AP4S1: variants seen among roughly 807,000 people sequenced by gnomAD.
The protein encoded by AP4S1 is AP-4 complex subunit sigma-1.
AP4S1 carries 23 observed loss-of-function variants against 19.8 expected under a neutral mutation model. The observed-to-expected ratio is 1.16, with a 90% confidence interval of 0.84 to 1.65. The LOEUF is 1.65. Among genes scored for constraint, AP4S1 ranks in the 40% most tolerant of loss-of-function variants. The pLI, the probability that AP4S1 is intolerant of heterozygous loss-of-function variation, is 0.00. For synonymous variants in AP4S1, 46 were observed against 54.1 expected, an observed-to-expected ratio of 0.85 and a Z score of 0.66; for missense variants, 166 against 172.8, an observed-to-expected ratio of 0.96 and a Z score of 0.22.
intron 1 of AP4S1, among the ~76,000 whole-genome samples, chr14:31,030,827 C>T (rs756721289): frequency 6.6e-5 from 10 of 152,096 alleles, no homozygotes; most frequent in South Asian, 4.1e-4. Flanking sequence ...TGTCCTGATC[C>T]GTCTTGAAAC....
rs116374588 is a variant in AP4S1, at chr14:31,087,717, A to G, written c.307-5190A>G. 9.7e-3 allele frequency among the ~76,000 whole-genome samples: 1,484 copies of G among 152,290 alleles called. 25 individuals carry two copies. Among genetic ancestry groups the G allele is most frequent in the African/African-American group, 0.034 (1,399 of 41,552 alleles). On this transcript the variant is annotated intron_variant, in intron 5 of 5. Transcript: ENST00000542754. Reference sequence around the variant, plus strand: ...GTAGACTGTGGCAATTTAGTCTCTAATAAAACATGCCTGTCACCATGGTGC... The same window carrying G: ...GTAGACTGTGGCAATTTAGTCTCTAGTAAAACATGCCTGTCACCATGGTGC...
At chr14:31,054,713 A>G (rs1020442221) in intron 1 of AP4S1, among the ~76,000 whole-genome samples, 1 of 151,258 alleles carries the variant, frequency 6.6e-6, no homozygotes, top group African/African-American at 2.4e-5. Flanking sequence ...ATTAAATAAA[A>G]TAAAATTAGC....
chr14:31,071,150 A>G (rs988814300), intron 3 of AP4S1, among the ~76,000 whole-genome samples: 1 of 152,176 alleles, frequency 6.6e-6, no homozygotes, highest in African/African-American at 2.4e-5. Flanking sequence ...ACCCCTTCAC[A>G]AATGCCACTC....
chr14:31,092,776 T>C (rs894240403), intron 5 of AP4S1, 131 bp from the exon 6 acceptor site: 4 of 646,316 alleles, frequency 6.2e-6, no homozygotes, highest in Non-Finnish European at 7.4e-6. Context: ...TAAATTTAAT[T>C]TCAGAAATTT....
rs554208344 is a variant in AP4S1 at position 31,084,566 on chromosome 14, G to T, written c.306+3982G>T. 3.0e-4 allele frequency among the ~76,000 whole-genome samples: 46 copies of T among 152,296 alleles called. 2 individuals are homozygous for T. In the South Asian group the frequency reaches 8.7e-3, roughly 29 times the overall value. ...GTCAGGTGGGGCGGGCTGCCCCCTT[G>T]GGACCAAGCACGTCAGTGACCTAAA... is the stretch of plus-strand genomic sequence containing the variant. On this transcript the variant is annotated intron_variant, in intron 5 of 5. Coordinates refer to ENST00000542754, the MANE Select transcript of AP4S1 (RefSeq NM_001128126.3).
chr14:31,063,867 T>G (rs1886573293), intron 1 of AP4S1, among the ~76,000 whole-genome samples: 1 of 152,218 alleles, frequency 6.6e-6, no homozygotes, highest in African/African-American at 2.4e-5. Flanking sequence ...GCAACTTTAC[T>G]ATAAATCTAA....
chr14:31,075,438 G>C (rs181564583), intron 4 of AP4S1, among the ~76,000 whole-genome samples: 6 of 152,234 alleles, frequency 3.9e-5, no homozygotes, highest in Admixed American at 3.3e-4. Flanking sequence ...ATTGGTGGGT[G>C]CTTTGGTTGA....
At chr14:31,026,130 C>T (rs1566503641) in intron 1 of AP4S1, 2 of 1,497,438 alleles carry the variant, frequency 1.3e-6, no homozygotes, top group Non-Finnish European at 1.8e-6. Context: ...CTGCTGCTGC[C>T]GGGGAGGGGC....
At chr14:31,042,481 T>C (rs1247679570) in intron 1 of AP4S1, among the ~76,000 whole-genome samples, 3 of 152,162 alleles carry the variant, frequency 2.0e-5, no homozygotes, top group Non-Finnish European at 4.4e-5. Flanking sequence ...TCAGTTTCTC[T>C]CTGGCAAATG....
At chr14:31,059,932 T>A (rs57308177) in intron 1 of AP4S1, among the ~76,000 whole-genome samples, 17,895 of 146,920 alleles carry the variant, frequency 0.12, 1,256 homozygotes, top group Non-Finnish European at 0.16. Context: ...GACAAAAAAA[T>A]ATATATATAT....
intron 1 of AP4S1, among the ~76,000 whole-genome samples, chr14:31,062,101 A>C (rs1018853546): frequency 1.3e-5 from 2 of 151,748 alleles, no homozygotes; most frequent in African/African-American, 4.8e-5. Context: ...AGGTTTATTT[A>C]TTTATTTATT....
At chr14:31,088,969 C>G (rs1166789646) in intron 5 of AP4S1, among the ~76,000 whole-genome samples, 2 of 151,888 alleles carry the variant, frequency 1.3e-5, no homozygotes, top group African/African-American at 2.4e-5. Flanking sequence ...CAAGACCAGT[C>G]TGGGCAAGAT....
intron 1 of AP4S1, among the ~76,000 whole-genome samples, chr14:31,035,950 T>C (rs1425269615): frequency 6.6e-6 from 1 of 152,092 alleles, no homozygotes; most frequent in African/African-American, 2.4e-5. Context: ...CAGGATGGTC[T>C]CGATATCCTG....
At chr14:31,050,844 T>C (rs1055961614) in intron 1 of AP4S1, among the ~76,000 whole-genome samples, 5 of 152,210 alleles carry the variant, frequency 3.3e-5, no homozygotes, top group South Asian at 2.1e-4. Context: ...AGTCATCTTA[T>C]TTCCTTAATC....
intron 4 of AP4S1, among the ~76,000 whole-genome samples, chr14:31,073,499 A>G (rs1208568733): frequency 1.3e-5 from 2 of 151,306 alleles, no homozygotes; most frequent in Non-Finnish European, 2.9e-5. Context: ...CAGAAAAAAA[A>G]AAAACCCTCT....
intron 1 of AP4S1, among the ~76,000 whole-genome samples, chr14:31,056,963 A>G (rs1339991938): frequency 1.3e-5 from 2 of 152,128 alleles, no homozygotes; most frequent in African/African-American, 4.8e-5. Flanking sequence ...AGTCCCAGCT[A>G]CTTGGGGGGC....
chr14:31,072,824 G>GA, intron 3 of AP4S1, 81 bp from the exon 4 acceptor site: 4 of 1,172,894 alleles, frequency 3.4e-6, no homozygotes, highest in Admixed American at 3.4e-5. Flanking sequence ...CTAAAACCTG[G>GA]ACACTGACTG....
At chr14:31,085,123 T>C in intron 5 of AP4S1, 1 of 1,314,218 alleles carries the variant, frequency 7.6e-7, no homozygotes, top group South Asian at 1.9e-5. Flanking sequence ...AGAAGGCCCA[T>C]TCTATGTCTG....
At chr14:31,053,034 G>A (rs1052239282) in intron 1 of AP4S1, among the ~76,000 whole-genome samples, 2 of 144,376 alleles carry the variant, frequency 1.4e-5, no homozygotes, top group African/African-American at 5.2e-5. Context: ...TCTGCCTCCT[G>A]GGTTCAAGTG....
Sources: allele counts gnomAD v4.1 joint callset (sites outside exome capture counted in the v4.1 genomes callset), GRCh38; gene constraint gnomAD v4.1.1; transcripts MANE v1.5; gene names NCBI Gene and HGNC (gene_info 2026-07-23, HGNC 2026-07-21).